The following ZBBX variants were observed in gnomAD, a reference collection of about 807,000 sequenced individuals.
ZBBX encodes the protein zinc finger B-box domain containing.
Under a neutral mutation model 108.5 loss-of-function variants are expected in ZBBX, and 101 were observed. The observed-to-expected ratio is 0.93, with a 90% CI of 0.79 to 1.10. The LOEUF (loss-of-function observed/expected upper bound fraction) is 1.10. Among genes scored for constraint, ZBBX ranks in the 50% least tolerant of loss-of-function variants. The probability of loss-of-function intolerance (pLI) is 0.00; values close to 1 mark genes in which losing one functional copy is unlikely to be tolerated. For missense variants in ZBBX, 1,009 were observed against 941.4 expected (o/e 1.07, Z -0.94); for synonymous variants, 356 against 323.4 (o/e 1.10, Z -1.08).
At chr3:167,309,034 C>T (rs983070680) in intron 16 of ZBBX, among the ~76,000 whole-genome samples, 6 of 152,172 alleles carry the variant, frequency 3.9e-5, no homozygotes, top group Non-Finnish European at 7.4e-5. Context: ...GTTTCCCCAG[C>T]AACAACCTGA....
At chr3:167,346,915 C>CA (rs1242829991) in intron 9 of ZBBX, among the ~76,000 whole-genome samples, 1 of 151,676 alleles carries the variant, frequency 6.6e-6, no homozygotes, top group Non-Finnish European at 1.5e-5. Context: ...CAGAGAGCTA[C>CA]AAGACAATTG....
chr3:167,251,534 C>A (rs547309408), intron 20 of ZBBX, among the ~76,000 whole-genome samples: 2 of 152,276 alleles, frequency 1.3e-5, no homozygotes, highest in East Asian at 3.9e-4. Flanking sequence ...CCATCGCACG[C>A]CCTGTGAGGG....
chr3:167,290,815 G>A (rs1225561094), intron 18 of ZBBX, among the ~76,000 whole-genome samples: 1 of 152,080 alleles, frequency 6.6e-6, no homozygotes, highest in Non-Finnish European at 1.5e-5. Context: ...CTTGAGAAAA[G>A]GTTAGTCAAA....
At chr3:167,272,077 T>TA (rs1006679092) in intron 20 of ZBBX, among the ~76,000 whole-genome samples, 13 of 152,258 alleles carry the variant, frequency 8.5e-5, no homozygotes, top group Admixed American at 6.5e-4. Context: ...AATCAAACTT[T>TA]AAAAAATCAC....
At chr3:167,238,812 T>C (rs1054462479), downstream of ZBBX, among the ~76,000 whole-genome samples, 2 of 152,104 alleles carry the variant, frequency 1.3e-5, no homozygotes, top group Non-Finnish European at 2.9e-5. Context: ...TAAATAACCA[T>C]GGACTCCCAC....
At chr3:167,290,305 T>C (rs1360364520) in intron 18 of ZBBX, among the ~76,000 whole-genome samples, 1 of 152,124 alleles carries the variant, frequency 6.6e-6, no homozygotes, top group African/African-American at 2.4e-5. Context: ...ACAGGAGAGC[T>C]CTGGCTGGCA....
At chr3:167,371,561 C>A (rs1560197024) in intron 4 of ZBBX, among the ~76,000 whole-genome samples, 1 of 152,156 alleles carries the variant, frequency 6.6e-6, no homozygotes, top group African/African-American at 2.4e-5. Context: ...GCTTTTGTAG[C>A]CATCATTCCC....
intron 7 of ZBBX, among the ~76,000 whole-genome samples, chr3:167,360,249 T>G (rs1744293087): frequency 6.7e-6 from 1 of 150,020 alleles, no homozygotes; most frequent in African/African-American, 2.4e-5. Context: ...CTTATTTCCT[T>G]GGGAATTATT....
At chr3:167,350,126 T>A (rs1042418217) in intron 9 of ZBBX, among the ~76,000 whole-genome samples, 2 of 152,024 alleles carry the variant, frequency 1.3e-5, no homozygotes, top group African/African-American at 4.8e-5. Context: ...GAAATCACAA[T>A]AGATAAAATA....
At chr3:167,283,823 A>G (rs1422984204) in intron 19 of ZBBX, among the ~76,000 whole-genome samples, 1 of 152,120 alleles carries the variant, frequency 6.6e-6, no homozygotes, top group African/African-American at 2.4e-5. Flanking sequence ...TTGTATTTTT[A>G]GTAGAGATGG....
At position 167,333,850 on chromosome 3, in the gene ZBBX, G is replaced by A. The variant is rs1739084342; in HGVS notation, c.664C>T (p.Leu222Phe). Residue 222 changes from leucine to phenylalanine, a missense_variant, in exon 10 of 22, where the codon CTT becomes TTT. Leu to Phe is a conservative substitution (Grantham distance 22, BLOSUM62 0). Coordinates refer to ENST00000675490, the MANE Select transcript of ZBBX (RefSeq NM_001199201.2). Reference protein sequence around the residue: ...SKIQHKPKSVLLQRSSSEVEI... With the variant: ...SKIQHKPKSVFLQRSSSEVEI... ...ACCTCAGAGCTGCTCCTCTGGAGAA[G>A]TACAGATTTGGGTTTATGTTGAATT... is the stretch of plus-strand genomic sequence containing the variant. The A allele has an allele frequency of 2.5e-6, 4 of 1,609,588 alleles. No individual in the cohort carries two copies. The highest frequency in any genetic ancestry group is 2.2e-5 in the East Asian group (1 of 44,690).
chr3:167,352,150 A>C (rs2108503895), intron 8 of ZBBX, among the ~76,000 whole-genome samples: 1 of 152,316 alleles, frequency 6.6e-6, no homozygotes, highest in Admixed American at 6.5e-5. Context: ...AGATCAGAGA[A>C]GAAATAAATA....
At chr3:167,267,337 A>G (rs540322732) in intron 20 of ZBBX, among the ~76,000 whole-genome samples, 1 of 152,342 alleles carries the variant, frequency 6.6e-6, no homozygotes, top group East Asian at 1.9e-4. Context: ...GAGATTCCTC[A>G]TACAAGGGAA....
At chr3:167,249,739 T>C (rs1722242479) in intron 20 of ZBBX, among the ~76,000 whole-genome samples, 1 of 152,206 alleles carries the variant, frequency 6.6e-6, no homozygotes, top group Non-Finnish European at 1.5e-5. Flanking sequence ...CAAACCCCAA[T>C]GGACACTCAG....
At chr3:167,280,767 G>A (rs1163022845) in intron 20 of ZBBX, among the ~76,000 whole-genome samples, 2 of 151,828 alleles carry the variant, frequency 1.3e-5, no homozygotes, top group African/African-American at 2.4e-5. Context: ...TATACCCAAA[G>A]GACTATAAAT....
chr3:167,189,090 T>C, the ZBBX span, among the ~76,000 whole-genome samples: 5 of 152,240 alleles, frequency 3.3e-5, no homozygotes, highest in East Asian at 7.7e-4. Flanking sequence ...TATTTGAGAA[T>C]GCCTCTTTCT....
chr3:167,199,609 C>T, the ZBBX span, among the ~76,000 whole-genome samples: 1 of 152,190 alleles, frequency 6.6e-6, no homozygotes, highest in East Asian at 1.9e-4. Context: ...ATGCAAGAGA[C>T]CAGTGGATTT....
chr3:167,350,301 G>T, intron 9 of ZBBX, 119 bp downstream of exon 9: 1 of 694,414 alleles, frequency 1.4e-6, no homozygotes, highest in Non-Finnish European at 2.4e-6. Flanking sequence ...GTATATAATA[G>T]AATTTTAGAA....
chr3:167,203,306 G>A, the ZBBX span, among the ~76,000 whole-genome samples: 1 of 151,834 alleles, frequency 6.6e-6, no homozygotes, highest in African/African-American at 2.4e-5. Flanking sequence ...ATTAAGATAG[G>A]GCCCCACCCT....
Sources: gnomAD v4.1 joint callset for allele counts (sites outside exome capture counted in the v4.1 genomes callset) on GRCh38, gnomAD v4.1.1 for gene constraint, MANE v1.5 for transcripts, NCBI Gene and HGNC (gene_info 2026-07-23, HGNC 2026-07-21) for gene names.